The following RECQL variants were observed in gnomAD, a reference collection of about 807,000 sequenced individuals.
RECQL encodes the protein ATP-dependent DNA helicase Q1.
RECQL carries 73 observed loss-of-function variants against 75.8 expected under a neutral mutation model. The observed-to-expected ratio is 0.96, with a 90% CI of 0.80 to 1.17. The LOEUF is 1.17. RECQL is among the 50% of genes most tolerant of loss of function. RECQL has a pLI of 0.00. For missense variants in RECQL, 699 were observed against 772.1 expected (o/e 0.91, Z 1.12); for synonymous variants, 248 against 254.4 (o/e 0.97, Z 0.24).
At chr12:21,494,012 G>A (rs1253420102) in intron 2 of RECQL, among the ~76,000 whole-genome samples, 1 of 152,174 alleles carries the variant, frequency 6.6e-6, no homozygotes, top group African/African-American at 2.4e-5. Flanking sequence ...TTTGCTTATG[G>A]TTCTGTAGGC....
Position 21,480,328 on chromosome 12 carries a change from G to A in RECQL, c.701-2359C>T, listed in dbSNP as rs935626911. Among the ~76,000 whole-genome samples the A allele has an allele frequency of 6.6e-5, 10 of 152,164 alleles. No individual in the cohort carries two copies. In the South Asian group the frequency reaches 1.7e-3, roughly 25 times the overall value. On this transcript the variant is annotated intron_variant, in intron 6 of 14. Transcript: ENST00000444129. ...GCTCTGTGGAGAATGAACAAAAAGT[G>A]TAAGAACGGAATCAAAGACTACTTA...
At chr12:21,492,656 T>G (rs992634904) in intron 2 of RECQL, among the ~76,000 whole-genome samples, 1 of 152,220 alleles carries the variant, frequency 6.6e-6, no homozygotes, top group African/African-American at 2.4e-5. Flanking sequence ...CAGTTTTACA[T>G]TGGGATGGTT....
At position 21,490,185 on chromosome 12, in the gene RECQL, T is replaced by A. The variant is rs777875246; in HGVS notation, c.394+14A>T. On this transcript the variant is annotated intron_variant, in intron 4 of 14. Transcript: ENST00000444129. ...GCACTTCTTCAACTCAAAATTAATTTTTTTAGTACATACCATCTGAACATA... is the reference window on the plus strand; with the variant it reads ...GCACTTCTTCAACTCAAAATTAATTATTTTAGTACATACCATCTGAACATA... The A allele has an allele frequency of 6.6e-7, 1 of 1,519,740 alleles. No homozygotes were observed. Among genetic ancestry groups the A allele is most frequent in the South Asian group, 1.3e-5 (1 of 76,164 alleles). 94.1% of individuals were successfully genotyped at this position (1,519,740 alleles called of 1,614,324 possible).
chr12:21,476,839 A>C, intron 8 of RECQL, 72 bp downstream of exon 8: 1 of 917,558 alleles, frequency 1.1e-6, no homozygotes, highest in East Asian at 2.6e-5. Flanking sequence ...TATCAGTATA[A>C]TTATCAATAT....
chr12:21,482,457 G>C (rs1266853164), intron 6 of RECQL, among the ~76,000 whole-genome samples: 1 of 152,102 alleles, frequency 6.6e-6, no homozygotes, highest in Non-Finnish European at 1.5e-5. Flanking sequence ...TATAAGGACG[G>C]CTGAGGATAA....
At position 21,475,456 on chromosome 12, in the gene RECQL, A is replaced by C; in HGVS notation, c.1216+12T>G. ...TTCTAAAAATTTACTTCTGGATTTG[A>C]GTCCTACATACCTGCACGTCCACTC... On this transcript the variant is annotated intron_variant, in intron 10 of 14. Coordinates refer to ENST00000444129, the MANE Select transcript of RECQL (RefSeq NM_002907.4). 1 of 1,515,072 alleles carries C rather than the reference A, an allele frequency of 6.6e-7. No individual in the cohort carries two copies. Among genetic ancestry groups the C allele is most frequent in the East Asian group, 2.3e-5 (1 of 44,302 alleles). 93.9% of individuals were successfully genotyped at this position (1,515,072 alleles called of 1,614,324 possible).
chr12:21,472,049 AATT>A (rs984006707), intron 12 of RECQL, among the ~76,000 whole-genome samples: 17 of 152,146 alleles, frequency 1.1e-4, no homozygotes, highest in Admixed American at 2.0e-4. Context: ...CTGATAACCC[AATT>A]ATTAAGAGAC....
At chr12:21,494,220 G>C (rs1256911986) in intron 2 of RECQL, among the ~76,000 whole-genome samples, 1 of 152,092 alleles carries the variant, frequency 6.6e-6, no homozygotes, top group Non-Finnish European at 1.5e-5. Flanking sequence ...TTACCATAGG[G>C]AGGGCACCAA....
Position 21,476,912 on chromosome 12 carries a change from T to C in RECQL, c.948A>G (p.Ser316=). Residue 316 remains serine (S), a splice_region_variant and synonymous_variant, in exon 8 of 15, where the codon TCA becomes TCG. Transcript: ENST00000444129. ...KLINGRYKGQ[S]GIIYCFSQKD... ...AAAGTTGGTTTGTTTTTACATTACC[T>C]GATTGCCCTTTGTATCTCCCATTAA... 1 of 1,603,482 alleles carries C rather than the reference T, an allele frequency of 6.2e-7. No individual in the cohort carries two copies. The highest frequency in any genetic ancestry group is 8.5e-7 in the Non-Finnish European group (1 of 1,174,204).
intron 2 of RECQL, 114 bp downstream of exon 2, chr12:21,499,441 A>T: frequency 9.9e-7 from 1 of 1,011,198 alleles, no homozygotes; most frequent in Non-Finnish European, 1.5e-6. Context: ...ACTTCAATAA[A>T]AAAGCTGAAA....
At chr12:21,476,278 T>TA (rs930341814) in intron 8 of RECQL, among the ~76,000 whole-genome samples, 4 of 152,074 alleles carry the variant, frequency 2.6e-5, no homozygotes, top group African/African-American at 9.7e-5. Flanking sequence ...AGTTTGCTGA[T>TA]ACACCCTGTG....
At chr12:21,477,687 A>G (rs1943111161) in intron 7 of RECQL, 116 bp downstream of exon 7, 15 of 706,554 alleles carry the variant, frequency 2.1e-5, no homozygotes, top group Middle Eastern at 4.1e-4. Context: ...ATTACCTCCT[A>G]ATGTTAAAAA....
chr12:21,500,941 T>C (rs1278439435), intron 1 of RECQL, among the ~76,000 whole-genome samples: 3 of 152,166 alleles, frequency 2.0e-5, no homozygotes, highest in Non-Finnish European at 4.4e-5. Context: ...GAAATTGAAC[T>C]ACAGCAGGTC....
chr12:21,497,402 T>C (rs1428603417), intron 2 of RECQL, among the ~76,000 whole-genome samples: 3 of 152,206 alleles, frequency 2.0e-5, no homozygotes, highest in Non-Finnish European at 4.4e-5. Context: ...TAAAGCACTC[T>C]AGCATCTCTC....
At chr12:21,493,571 C>A (rs772492321) in intron 2 of RECQL, among the ~76,000 whole-genome samples, 10 of 152,158 alleles carry the variant, frequency 6.6e-5, no homozygotes, top group Non-Finnish European at 1.0e-4. Flanking sequence ...AAACTGAATT[C>A]CCAACCTTGC....
intron 6 of RECQL, among the ~76,000 whole-genome samples, chr12:21,479,805 C>T (rs73249914): frequency 0.027 from 4,131 of 152,160 alleles, 170 homozygotes; most frequent in African/African-American, 0.093. Context: ...TAAAATGAGA[C>T]ATGACATTCA....
In RECQL at chr12:21,490,424, T is replaced by C. The variant is rs755567902; in HGVS notation, c.215-46A>G. 53 of 1,301,836 alleles carry C rather than the reference T, an allele frequency of 4.1e-5. 1 individual carries two copies. The East Asian group carries it at 5.6e-4, about 14-fold the overall frequency. The allele number at this position is 1,301,836 out of a possible 1,614,324, so 80.6% of individuals were successfully genotyped here. The stretch of plus-strand genomic sequence containing the variant: ...ATCAGACAAACATGTAAGACTATTA[T>C]AGAAGTTTGATAAGAATGAGACAAA... On this transcript the variant is annotated intron_variant, in intron 3 of 14. Coordinates refer to ENST00000444129, the MANE Select transcript of RECQL (RefSeq NM_002907.4).
intron 2 of RECQL, among the ~76,000 whole-genome samples, chr12:21,497,577 T>C (rs2136778542): frequency 6.6e-6 from 1 of 152,330 alleles, no homozygotes; most frequent in Non-Finnish European, 1.5e-5. Context: ...ATAGGAAAAC[T>C]GGTGGCAATG....
At chr12:21,477,091 T>C in intron 7 of RECQL, 99 bp from the exon 8 acceptor site, 1 of 769,920 alleles carries the variant, frequency 1.3e-6, no homozygotes, top group Non-Finnish European at 2.0e-6. Context: ...ATGACCATAG[T>C]GTTTTTTTTC....
Sources: allele counts gnomAD v4.1 joint callset (sites outside exome capture counted in the v4.1 genomes callset), GRCh38; gene constraint gnomAD v4.1.1; transcripts MANE v1.5; gene names NCBI Gene and HGNC (gene_info 2026-07-23, HGNC 2026-07-21).